The following ACTR2 variants were observed in gnomAD, a reference collection of about 807,000 sequenced individuals.
ACTR2 encodes actin-related protein 2.
In ACTR2, 5 loss-of-function variants were observed where a neutral mutation model predicts 50.2. The ratio of observed to expected loss-of-function variants is 0.10; its 90% CI spans 0.05 to 0.21. The LOEUF (loss-of-function observed/expected upper bound fraction) is 0.21, where lower values mean the gene tolerates loss of function less well. Ranked by LOEUF, ACTR2 falls within the 10% of genes least tolerant of loss-of-function variation. The pLI, the probability that ACTR2 is intolerant of heterozygous loss-of-function variation, is 1.00. For synonymous variants in ACTR2, 140 were observed against 162.9 expected (o/e 0.86, Z 1.07); for missense variants, 180 against 480.6 (o/e 0.37, Z 5.85).
At chr2:65,249,027 AAAAG>A (rs966124290) in intron 3 of ACTR2, among the ~76,000 whole-genome samples, 5 of 151,428 alleles carry the variant, frequency 3.3e-5, no homozygotes, top group African/African-American at 7.2e-5. Context: ...AGAAAAAAGA[AAAAG>A]AAAAAAAAAG....
At chr2:65,260,250 G>A (rs1672242077) in intron 6 of ACTR2, among the ~76,000 whole-genome samples, 1 of 152,242 alleles carries the variant, frequency 6.6e-6, no homozygotes. Context: ...GTTCATGCTT[G>A]TAATCCCAAC....
chr2:65,260,729 CTT>C (rs34258160), intron 6 of ACTR2, among the ~76,000 whole-genome samples: 13 of 132,106 alleles, frequency 9.8e-5, no homozygotes, highest in Non-Finnish European at 8.1e-5. Flanking sequence ...CGTGGCATAC[CTT>C]TTTTTTTTTT....
intron 3 of ACTR2, among the ~76,000 whole-genome samples, chr2:65,247,143 G>C (rs1051604401): frequency 6.6e-6 from 1 of 151,936 alleles, no homozygotes; most frequent in Admixed American, 6.6e-5. Flanking sequence ...AGGGGTTAGG[G>C]GCACCAACCC....
chr2:65,239,890 A>G lies in ACTR2; in HGVS notation c.87A>G (p.Glu29=), dbSNP rs1220101886. 1 of 1,613,224 alleles carries G rather than the reference A, an allele frequency of 6.2e-7. No homozygotes were observed. Among genetic ancestry groups the G allele is most frequent in the Non-Finnish European group, 8.5e-7 (1 of 1,179,546 alleles). Residue 29 remains glutamate, a synonymous_variant, in exon 2 of 9, where the codon GAA becomes GAG. Transcript: ENST00000260641. ...KCGYAGSNFP[E]HIFPALVGRP... Reference sequence around the variant, plus strand: ...GATATGCAGGCTCTAACTTTCCAGAACACATCTTCCCAGCTTTGGTTGGAA... The same window carrying G: ...GATATGCAGGCTCTAACTTTCCAGAGCACATCTTCCCAGCTTTGGTTGGAA...
chr2:65,244,089 C>T (rs750758731), intron 2 of ACTR2, among the ~76,000 whole-genome samples: 27 of 152,082 alleles, frequency 1.8e-4, no homozygotes, highest in Non-Finnish European at 3.4e-4. Context: ...ATACTCAATT[C>T]CAAACATTTC....
intron 2 of ACTR2, 106 bp downstream of exon 2, chr2:65,240,068 A>T: frequency 1.4e-6 from 1 of 705,276 alleles, no homozygotes; most frequent in Admixed American, 2.8e-5. Flanking sequence ...TGCCATGAAA[A>T]GCAAAGGGGA....
chr2:65,237,404 T>C (rs1248423630), intron 1 of ACTR2, among the ~76,000 whole-genome samples: 1 of 152,130 alleles, frequency 6.6e-6, no homozygotes, highest in Non-Finnish European at 1.5e-5. Flanking sequence ...GGCCAATTTT[T>C]AAATTTTTTG....
chr2:65,229,160 C>G (rs1225950010), intron 1 of ACTR2, among the ~76,000 whole-genome samples: 1 of 149,658 alleles, frequency 6.7e-6, no homozygotes. Context: ...GTAGCAAAGT[C>G]AGCAAATTAG....
rs574644894 is a variant in ACTR2 at position 65,234,805 on chromosome 2, C to A, written c.49-5047C>A. Among the ~76,000 whole-genome samples the A allele has an allele frequency of 1.8e-4, 27 of 152,286 alleles. 1 individual carries two copies. In the South Asian group the frequency reaches 5.2e-3, roughly 29 times the overall value. ...TTCAGCATGCCAAAAATGAACCTTA[C>A]AAACTGGTAGGTTCTCTTTTCATTC... On this transcript the variant is annotated intron_variant, in intron 1 of 8. Transcript: ENST00000260641.
At chr2:65,258,937 G>GT (rs1672206509) in intron 6 of ACTR2, among the ~76,000 whole-genome samples, 1 of 151,908 alleles carries the variant, frequency 6.6e-6, no homozygotes, top group Admixed American at 6.6e-5. Context: ...GGTGGAGGTG[G>GT]TTTTTTTAAG....
chr2:65,253,701 A>G, intron 4 of ACTR2, 27 bp from the exon 5 acceptor site: 1 of 1,601,870 alleles, frequency 6.2e-7, no homozygotes, highest in South Asian at 1.1e-5. Flanking sequence ...TTGACTTTTT[A>G]TTTAAATCCC....
intron 2 of ACTR2, among the ~76,000 whole-genome samples, chr2:65,244,040 T>A (rs1332019079): frequency 6.6e-6 from 1 of 152,202 alleles, no homozygotes; most frequent in Non-Finnish European, 1.5e-5. Flanking sequence ...AAGTTAATAC[T>A]CCATTTTAAA....
chr2:65,265,695 T>C (rs1489627375), intron 8 of ACTR2, among the ~76,000 whole-genome samples: 1 of 152,214 alleles, frequency 6.6e-6, no homozygotes, highest in African/African-American at 2.4e-5. Flanking sequence ...GTTGTTGGTA[T>C]GTACAGTAGA....
intron 6 of ACTR2, 103 bp from the exon 7 acceptor site, chr2:65,261,144 T>G: frequency 8.9e-7 from 1 of 1,118,830 alleles, no homozygotes; most frequent in South Asian, 1.6e-5. Flanking sequence ...TTGGTAATGA[T>G]TTTGGTTACA....
At chr2:65,254,530 G>A (rs1023601587) in intron 5 of ACTR2, among the ~76,000 whole-genome samples, 6 of 152,074 alleles carry the variant, frequency 3.9e-5, no homozygotes, top group African/African-American at 1.4e-4. Flanking sequence ...TTAGAAAATT[G>A]TTTATACCAC....
At position 65,227,844 on chromosome 2, in the gene ACTR2, G is replaced by A; in HGVS notation, c.-66G>A. Reference sequence around the variant, plus strand: ...GGCCGGGAAGACGCAAGAGGAAGAAGAGAAAACGGCCGGGCGGCGGTGGCT... The same window carrying A: ...GGCCGGGAAGACGCAAGAGGAAGAAAAGAAAACGGCCGGGCGGCGGTGGCT... On this transcript the variant is annotated 5_prime_UTR_variant, in exon 1 of 9. Coordinates refer to ENST00000260641, the MANE Select transcript of ACTR2 (RefSeq NM_005722.4). 2 of 1,479,242 alleles carry A rather than the reference G, an allele frequency of 1.4e-6. No individual in the cohort carries two copies. The highest frequency in any genetic ancestry group is 1.5e-5 in the African/African-American group (1 of 67,984). The allele number at this position is 1,479,242 out of a possible 1,614,324, so 91.6% of individuals were successfully genotyped here. A position where few individuals can be genotyped will look rare whatever the true frequency, so the allele number is the denominator to read the frequency against.
At chr2:65,237,712 G>T (rs537170048) in intron 1 of ACTR2, among the ~76,000 whole-genome samples, 2 of 152,224 alleles carry the variant, frequency 1.3e-5, no homozygotes, top group African/African-American at 4.8e-5. Flanking sequence ...CTTACGCTAG[G>T]CGTGGTGGCT....
intron 2 of ACTR2, among the ~76,000 whole-genome samples, chr2:65,242,441 T>C (rs1237473965): frequency 6.6e-6 from 1 of 152,084 alleles, no homozygotes; most frequent in Non-Finnish European, 1.5e-5. Flanking sequence ...TTGAATAAAT[T>C]CACTTTATTG....
chr2:65,249,385 T>G (rs1672001933), intron 3 of ACTR2, among the ~76,000 whole-genome samples: 1 of 152,248 alleles, frequency 6.6e-6, no homozygotes, highest in South Asian at 2.1e-4. Context: ...TTTAATATTC[T>G]TATTTGTTTA....
Sources: gnomAD v4.1 joint callset for allele counts (sites outside exome capture counted in the v4.1 genomes callset) on GRCh38, gnomAD v4.1.1 for gene constraint, MANE v1.5 for transcripts, NCBI Gene and HGNC (gene_info 2026-07-23, HGNC 2026-07-21) for gene names.